Variants in ADCY2 observed in about 807,000 individuals in gnomAD.
ADCY2 encodes the protein adenylate cyclase type 2.
A neutral mutation model predicts 125.2 loss-of-function variants in ADCY2; 31 were observed. That is an observed-to-expected ratio of 0.25 (90% CI 0.19 to 0.33). The LOEUF is 0.33. ADCY2 is among the 10% of genes least tolerant of loss of function. ADCY2 has a pLI of 1.00. For synonymous variants in ADCY2, 512 were observed against 548.4 expected (o/e 0.93, Z 0.93); for missense variants, 904 against 1,418.2 (o/e 0.64, Z 5.82).
chr5:7,524,859 A>G (rs1734402512), intron 3 of ADCY2, among the ~76,000 whole-genome samples: 1 of 152,110 alleles, frequency 6.6e-6, no homozygotes, highest in African/African-American at 2.4e-5. Flanking sequence ...CCTCTTTATA[A>G]TTAAGACATA....
intron 3 of ADCY2, among the ~76,000 whole-genome samples, chr5:7,620,375 G>T (rs1372381050): frequency 6.6e-6 from 1 of 152,040 alleles, no homozygotes. Context: ...TGAGATTGTT[G>T]GTGTTTCAGT....
At chr5:7,508,718 AAGG>A (rs1302983802) in intron 2 of ADCY2, among the ~76,000 whole-genome samples, 2 of 152,146 alleles carry the variant, frequency 1.3e-5, no homozygotes, top group African/African-American at 4.8e-5. Context: ...CCGGGTGAGG[AAGG>A]AGAAGGAACT....
chr5:7,521,014 T>C (rs1392806758), intron 3 of ADCY2, 115 bp downstream of exon 3: 5 of 1,303,110 alleles, frequency 3.8e-6, no homozygotes, highest in Non-Finnish European at 5.3e-6. Context: ...GCTGTTCCCT[T>C]TCTGCCCCTT....
At chr5:7,511,751 C>T (rs181484529) in intron 2 of ADCY2, among the ~76,000 whole-genome samples, 5 of 152,122 alleles carry the variant, frequency 3.3e-5, no homozygotes, top group African/African-American at 9.6e-5. Context: ...AAAACAACCA[C>T]TGCAAAGGTC....
rs983399144 is a variant in ADCY2 at position 7,645,402 on chromosome 5, G to A, written c.720+19086G>A. Reference sequence around the variant, plus strand: ...TCAAAGTCCTTGGAAAAGAAAGCTGGCCCAATCCATAAAGGCCAGGATATA... The same window carrying A: ...TCAAAGTCCTTGGAAAAGAAAGCTGACCCAATCCATAAAGGCCAGGATATA... On this transcript the variant is annotated intron_variant, in intron 4 of 24. Transcript: ENST00000338316. 3.9e-5 allele frequency among the ~76,000 whole-genome samples: 6 copies of A among 152,182 alleles called. No homozygotes were observed. The East Asian group carries it at 1.2e-3, about 29-fold the overall frequency.
In ADCY2 at chr5:7,469,531, TC is replaced by T. The variant is rs1742257163; in HGVS notation, c.409-51204del. Among the ~76,000 whole-genome samples, 3 of 152,084 alleles carry T rather than the reference TC, an allele frequency of 2.0e-5. No homozygotes were observed. The East Asian group carries it at 5.8e-4, about 29-fold the overall frequency. ...TATATATATGTTTCATATATATATCTCCCAGATCATTTCATAGAATAAAATT... is the reference window on the plus strand; with the variant it reads ...TATATATATGTTTCATATATATATCTCCAGATCATTTCATAGAATAAAATT... On this transcript the variant is annotated intron_variant, in intron 2 of 24. Coordinates refer to ENST00000338316, the MANE Select transcript of ADCY2 (RefSeq NM_020546.3).
chr5:7,499,454 A>G lies in ADCY2; in HGVS notation c.409-21284A>G, dbSNP rs550636230. ...CATCCTGTGCAGTTAGAAATTTTGT[A>G]CTTTTGTATTTTGATGCCACACTTT... On this transcript the variant is annotated intron_variant, in intron 2 of 24. Transcript: ENST00000338316. Among the ~76,000 whole-genome samples, 6 of 152,116 alleles carry G rather than the reference A, an allele frequency of 3.9e-5. 1 individual carries two copies. The South Asian group carries it at 1.2e-3, about 32-fold the overall frequency.
intron 1 of ADCY2, among the ~76,000 whole-genome samples, chr5:7,410,066 C>A (rs575257702): frequency 6.6e-6 from 1 of 152,252 alleles, no homozygotes; most frequent in Admixed American, 6.5e-5. Context: ...CTAGTAATTA[C>A]TGTCATTTGT....
At chr5:7,613,489 G>A (rs541882772) in intron 3 of ADCY2, among the ~76,000 whole-genome samples, 1 of 152,302 alleles carries the variant, frequency 6.6e-6, no homozygotes, top group Admixed American at 6.5e-5. Context: ...GATTGGCGGT[G>A]GGGGGTGGGG....
intron 15 of ADCY2, among the ~76,000 whole-genome samples, chr5:7,755,638 T>G (rs1246843552): frequency 6.6e-6 from 1 of 152,178 alleles, no homozygotes; most frequent in Non-Finnish European, 1.5e-5. Flanking sequence ...TATCCCCGTT[T>G]CAGAGAGGAA....
chr5:7,678,894 T>C lies in ADCY2; in HGVS notation c.721-11797T>C, dbSNP rs1450561434. 3.3e-5 allele frequency among the ~76,000 whole-genome samples: 5 copies of C among 152,368 alleles called. No individual in the cohort carries two copies. The East Asian group carries it at 9.6e-4, about 29-fold the overall frequency. On this transcript the variant is annotated intron_variant, in intron 4 of 24. Transcript: ENST00000338316. ...TAATGAGTTCCTCAGTGAAATCTTA[T>C]TCAAAGTGTAATGAGGCATTCGGTC...
chr5:7,534,393 G>A (rs1398598731), intron 3 of ADCY2, among the ~76,000 whole-genome samples: 2 of 152,202 alleles, frequency 1.3e-5, no homozygotes, highest in African/African-American at 2.4e-5. Context: ...GTCTTTGTGT[G>A]TTTAACTGGA....
At chr5:7,811,067 C>G (rs1744927970) in intron 22 of ADCY2, among the ~76,000 whole-genome samples, 1 of 152,150 alleles carries the variant, frequency 6.6e-6, no homozygotes, top group Admixed American at 6.5e-5. Flanking sequence ...CAGTTTCTAA[C>G]AGGTTGACAC....
rs991693021 is a variant in ADCY2 at position 7,828,943 on chromosome 5, C to G, written c.*2072C>G. ...ATAAACAGAGTCCCTCCCATTCCCC[C>G]ACGGGGTGCACCGAACTTGGGTTTG... is the stretch of plus-strand genomic sequence containing the variant. On this transcript the variant is annotated 3_prime_UTR_variant, in exon 25 of 25. Coordinates refer to ENST00000338316, the MANE Select transcript of ADCY2 (RefSeq NM_020546.3). 3.9e-5 allele frequency: 6 copies of G among 152,344 alleles called. No homozygotes were observed. Among genetic ancestry groups the G allele is most frequent in the Non-Finnish European group, 8.8e-5 (6 of 68,068 alleles). The allele number at this position is 152,344 out of a possible 1,614,324, so 9.4% of individuals were successfully genotyped here.
chr5:7,473,993 G>C (rs1304933013), intron 2 of ADCY2, among the ~76,000 whole-genome samples: 1 of 152,200 alleles, frequency 6.6e-6, no homozygotes, highest in Admixed American at 6.5e-5. Flanking sequence ...AAATGAGTCA[G>C]TATTCATGCC....
At chr5:7,772,013 G>A (rs1458682458) in intron 17 of ADCY2, among the ~76,000 whole-genome samples, 1 of 152,162 alleles carries the variant, frequency 6.6e-6, no homozygotes, top group East Asian at 1.9e-4. Context: ...TTTCCCTGCA[G>A]CAAGTCCCTC....
intron 23 of ADCY2, among the ~76,000 whole-genome samples, 172 bp downstream of exon 23, chr5:7,817,152 A>T (rs932149266): frequency 2.0e-4 from 31 of 152,250 alleles, no homozygotes; most frequent in African/African-American, 7.2e-4. Context: ...TTAGAAAAAA[A>T]AAAACCCTTT....
intron 2 of ADCY2, among the ~76,000 whole-genome samples, chr5:7,420,688 T>C (rs866373335): frequency 7.2e-5 from 11 of 152,206 alleles, no homozygotes; most frequent in African/African-American, 2.7e-4. Flanking sequence ...ATATAACCTC[T>C]GAGTGAAGTC....
At chr5:7,789,493 A>G in intron 19 of ADCY2, 149 bp from the exon 20 acceptor site, 1 of 692,808 alleles carries the variant, frequency 1.4e-6, no homozygotes, top group Non-Finnish European at 2.4e-6. Context: ...TTTCAGGGAC[A>G]CAGAGGGCTT....
Sources: gnomAD v4.1 joint callset for allele counts (sites outside exome capture counted in the v4.1 genomes callset) on GRCh38, gnomAD v4.1.1 for gene constraint, MANE v1.5 for transcripts, NCBI Gene and HGNC (gene_info 2026-07-23, HGNC 2026-07-21) for gene names.